The following CCSER1 variants were observed in gnomAD, a reference collection of about 807,000 sequenced individuals.
CCSER1 encodes the protein coiled-coil serine rich protein 1.
Under a neutral mutation model 82.0 loss-of-function variants are expected in CCSER1, and 41 were observed. The ratio of observed to expected loss-of-function variants is 0.50; its 90% CI spans 0.39 to 0.65. The LOEUF (loss-of-function observed/expected upper bound fraction) is 0.65. CCSER1 is among the 30% of genes least tolerant of loss of function. The pLI, the probability that CCSER1 is intolerant of heterozygous loss-of-function variation, is 0.00. For missense variants in CCSER1, 1,119 were observed against 1,064.2 expected (o/e 1.05, Z -0.72); for synonymous variants, 414 against 383.9 (o/e 1.08, Z -0.92).
chr4:90,874,108 G>A (rs1293067796), intron 8 of CCSER1, among the ~76,000 whole-genome samples: 1 of 151,906 alleles, frequency 6.6e-6, no homozygotes, highest in African/African-American at 2.4e-5. Context: ...AGTTAGCTAG[G>A]TACCCACTCA....
chr4:90,893,658 TTCTG>T (rs1367029457), intron 8 of CCSER1, among the ~76,000 whole-genome samples: 1 of 152,020 alleles, frequency 6.6e-6, no homozygotes, highest in African/African-American at 2.4e-5. Flanking sequence ...AGATCTTGGA[TTCTG>T]TCTTTCTCTC....
At chr4:90,996,927 GGTT>G (rs1225858757) in intron 9 of CCSER1, among the ~76,000 whole-genome samples, 1 of 151,984 alleles carries the variant, frequency 6.6e-6, no homozygotes, top group Non-Finnish European at 1.5e-5. Flanking sequence ...GATTACTTCT[GGTT>G]GTTAAGTATT....
intron 3 of CCSER1, among the ~76,000 whole-genome samples, chr4:90,380,867 C>T (rs1749088869): frequency 6.6e-6 from 1 of 152,076 alleles, no homozygotes; most frequent in South Asian, 2.1e-4. Flanking sequence ...GTTTCTTCTC[C>T]CTGCTCCCAA....
chr4:90,947,311 C>G (rs1357769394), intron 9 of CCSER1, among the ~76,000 whole-genome samples: 1 of 152,080 alleles, frequency 6.6e-6, no homozygotes, highest in Non-Finnish European at 1.5e-5. Flanking sequence ...TGCTATGTTA[C>G]TGACACGAAA....
intron 10 of CCSER1, among the ~76,000 whole-genome samples, chr4:91,582,992 C>A (rs946730804): frequency 6.6e-6 from 1 of 151,372 alleles, no homozygotes; most frequent in African/African-American, 2.4e-5. Context: ...TCCAGAATGA[C>A]TAATCCCATA....
intron 10 of CCSER1, among the ~76,000 whole-genome samples, chr4:91,326,743 T>C (rs1396436671): frequency 1.3e-5 from 2 of 152,078 alleles, no homozygotes; most frequent in Non-Finnish European, 2.9e-5. Context: ...AAAAACAAGC[T>C]AGTTACTTCC....
At chr4:90,147,979 AC>A (rs1006699032) in intron 1 of CCSER1, among the ~76,000 whole-genome samples, 1 of 152,228 alleles carries the variant, frequency 6.6e-6, no homozygotes, top group African/African-American at 2.4e-5. Context: ...AGCCTGGCCA[AC>A]ATGGCAAAAC....
chr4:91,146,712 A>G (rs1729577587), intron 10 of CCSER1, among the ~76,000 whole-genome samples: 1 of 151,898 alleles, frequency 6.6e-6, no homozygotes, highest in African/African-American at 2.4e-5. Flanking sequence ...TCAGAGGGCC[A>G]AGGCTCTGTA....
intron 10 of CCSER1, among the ~76,000 whole-genome samples, chr4:91,567,481 T>A (rs113166269): frequency 5.0e-4 from 76 of 152,308 alleles, no homozygotes; most frequent in African/African-American, 1.8e-3. Context: ...AGTGAAGTGC[T>A]GAAGTCTCCC....
chr4:91,088,406 G>C (rs1217633813), intron 10 of CCSER1, among the ~76,000 whole-genome samples: 1 of 152,086 alleles, frequency 6.6e-6, no homozygotes, highest in Non-Finnish European at 1.5e-5. Context: ...ACAGTAATAT[G>C]CTATTTAGCT....
intron 9 of CCSER1, among the ~76,000 whole-genome samples, chr4:90,990,992 A>G (rs1260140932): frequency 1.3e-5 from 2 of 151,936 alleles, no homozygotes; most frequent in African/African-American, 2.4e-5. Flanking sequence ...AGCTGATAGA[A>G]TCCAAGCTTA....
intron 5 of CCSER1, among the ~76,000 whole-genome samples, chr4:90,566,614 T>C (rs1779414523): frequency 6.6e-6 from 1 of 151,630 alleles, no homozygotes; most frequent in African/African-American, 2.4e-5. Flanking sequence ...TTTTTTTTTT[T>C]TTTTTTAAGA....
intron 4 of CCSER1, among the ~76,000 whole-genome samples, chr4:90,436,498 G>T (rs1474308083): frequency 6.6e-6 from 1 of 152,092 alleles, no homozygotes; most frequent in Non-Finnish European, 1.5e-5. Flanking sequence ...TCAAAGCAGA[G>T]CAATAATAAA....
At chr4:90,254,768 T>G (rs1263412619) in intron 1 of CCSER1, among the ~76,000 whole-genome samples, 2 of 152,148 alleles carry the variant, frequency 1.3e-5, no homozygotes, top group Non-Finnish European at 2.9e-5. Flanking sequence ...CTGTCACTTA[T>G]TGAGATTTAT....
At chr4:91,532,179 T>C (rs1264696581) in intron 10 of CCSER1, among the ~76,000 whole-genome samples, 1 of 152,234 alleles carries the variant, frequency 6.6e-6, no homozygotes, top group East Asian at 1.9e-4. Context: ...ATATCACTGG[T>C]CTTCATATTG....
At chr4:90,249,881 T>C (rs551505465) in intron 1 of CCSER1, among the ~76,000 whole-genome samples, 1 of 152,230 alleles carries the variant, frequency 6.6e-6, no homozygotes, top group South Asian at 2.1e-4. Context: ...CGATTCCAGT[T>C]TCTCTACCAT....
chr4:91,098,384 A>C (rs888088367), intron 10 of CCSER1, among the ~76,000 whole-genome samples: 6 of 152,230 alleles, frequency 3.9e-5, no homozygotes, highest in African/African-American at 2.4e-5. Flanking sequence ...CAACATTAGC[A>C]CAAGAATGAT....
At chr4:90,820,013 C>G (rs964765644) in intron 8 of CCSER1, among the ~76,000 whole-genome samples, 25 of 152,188 alleles carry the variant, frequency 1.6e-4, no homozygotes, top group African/African-American at 5.8e-4. Flanking sequence ...CATGGAACAT[C>G]TACTCCCAAC....
chr4:91,594,402 CATATATACACAT>C (rs200854374), intron 10 of CCSER1, among the ~76,000 whole-genome samples: 13,844 of 145,240 alleles, frequency 0.095, 698 homozygotes, highest in Middle Eastern at 0.17. Flanking sequence ...CATATATACA[CATATATACACAT>C]ATATATACAT....
Sources: gnomAD v4.1 joint callset for allele counts (sites outside exome capture counted in the v4.1 genomes callset) on GRCh38, gnomAD v4.1.1 for gene constraint, MANE v1.5 for transcripts, NCBI Gene and HGNC (gene_info 2026-07-23, HGNC 2026-07-21) for gene names.